The following PKNOX2 variants were observed in gnomAD, a reference collection of about 807,000 sequenced individuals.
PKNOX2 encodes PBX/knotted 1 homeobox 2.
A neutral mutation model predicts 53.1 loss-of-function variants in PKNOX2; 14 were observed. The ratio of observed to expected loss-of-function variants is 0.26; its 90% CI spans 0.17 to 0.41. The LOEUF is 0.41. Among genes scored for constraint, PKNOX2 ranks in the 10% least tolerant of loss-of-function variants. The probability of loss-of-function intolerance (pLI) is 1.00; values close to 1 mark genes in which losing one functional copy is unlikely to be tolerated. For synonymous variants in PKNOX2, 257 were observed against 242.8 expected (o/e 1.06, Z -0.54); for missense variants, 496 against 602.8 (o/e 0.82, Z 1.85).
At chr11:125,330,815 T>G (rs1360640347) in intron 2 of PKNOX2, among the ~76,000 whole-genome samples, 1 of 152,246 alleles carries the variant, frequency 6.6e-6, no homozygotes, top group Non-Finnish European at 1.5e-5. Flanking sequence ...TAGCTCCTCC[T>G]GTTGTCATGT....
intron 2 of PKNOX2, among the ~76,000 whole-genome samples, chr11:125,252,819 T>A (rs576667868): frequency 1.8e-4 from 28 of 152,178 alleles, no homozygotes; most frequent in Admixed American, 1.6e-3. Context: ...GGCATCAGGG[T>A]TACAGGTGGC....
At chr11:125,215,068 T>A (rs1407297236) in intron 1 of PKNOX2, among the ~76,000 whole-genome samples, 1 of 152,028 alleles carries the variant, frequency 6.6e-6, no homozygotes, top group Non-Finnish European at 1.5e-5. Context: ...CAAACTTTTG[T>A]TGGAAGCTTT....
chr11:125,333,295 C>T (rs1399411543), intron 3 of PKNOX2, among the ~76,000 whole-genome samples: 1 of 152,152 alleles, frequency 6.6e-6, no homozygotes, highest in African/African-American at 2.4e-5. Context: ...CTGAACTCTC[C>T]TGTAGAGTCC....
chr11:125,224,551 G>C (rs1941515052), intron 1 of PKNOX2, among the ~76,000 whole-genome samples: 2 of 152,210 alleles, frequency 1.3e-5, no homozygotes, highest in African/African-American at 2.4e-5. Flanking sequence ...GTGAAATCAG[G>C]CCTCCCTCAG....
At chr11:125,305,755 C>G (rs76593956) in intron 2 of PKNOX2, among the ~76,000 whole-genome samples, 3 of 152,076 alleles carry the variant, frequency 2.0e-5, no homozygotes, top group Non-Finnish European at 4.4e-5. Context: ...AGAGGCAAAC[C>G]GACTGAAGTG....
At chr11:125,297,862 A>C (rs536968424) in intron 2 of PKNOX2, among the ~76,000 whole-genome samples, 1 of 152,336 alleles carries the variant, frequency 6.6e-6, no homozygotes, top group East Asian at 1.9e-4. Flanking sequence ...TTTGAGCCCC[A>C]TATCACCCTT....
chr11:125,212,557 C>A (rs765059587), intron 1 of PKNOX2, among the ~76,000 whole-genome samples: 2 of 148,160 alleles, frequency 1.3e-5, no homozygotes, highest in Non-Finnish European at 3.0e-5. Flanking sequence ...CGGGTTCAAG[C>A]GATTCTAGGA....
At chr11:125,410,756 C>T in intron 8 of PKNOX2, 23 bp from the exon 9 acceptor site, 1 of 1,597,270 alleles carries the variant, frequency 6.3e-7, no homozygotes, top group Non-Finnish European at 8.6e-7. Context: ...GGCAGGGGAC[C>T]CCAAAACTGG....
rs926756680 is a variant in PKNOX2 at position 125,359,436 on chromosome 11, C to T, written c.87+8044C>T. Among the ~76,000 whole-genome samples, 41 of 152,236 alleles carry T rather than the reference C, an allele frequency of 2.7e-4. 1 individual carries two copies. Among genetic ancestry groups the T allele is most frequent in the African/African-American group, 8.7e-4 (36 of 41,544 alleles). On this transcript the variant is annotated intron_variant, in intron 4 of 12. Transcript: ENST00000298282. ...CTTTCTTCTCTTTGTGCACCTTGAC[C>T]GCTCTCTCTGCCTGCTTGAGCCACC...
At chr11:125,347,861 G>A (rs905197044) in intron 3 of PKNOX2, among the ~76,000 whole-genome samples, 9 of 152,154 alleles carry the variant, frequency 5.9e-5, no homozygotes, top group African/African-American at 9.7e-5. Flanking sequence ...GCCTGTTCGC[G>A]ATGGGAAATC....
At chr11:125,351,854 C>T (rs1002964659) in intron 4 of PKNOX2, among the ~76,000 whole-genome samples, 1 of 152,168 alleles carries the variant, frequency 6.6e-6, no homozygotes, top group Non-Finnish European at 1.5e-5. Context: ...CCTCTGCCTG[C>T]CTGTCGGGAG....
intron 2 of PKNOX2, among the ~76,000 whole-genome samples, chr11:125,277,367 T>A (rs1442963704): frequency 6.6e-6 from 1 of 152,194 alleles, no homozygotes. Flanking sequence ...GAAATAATAA[T>A]GGAGAAAGGG....
chr11:125,242,571 A>T (rs1943244852), intron 2 of PKNOX2, among the ~76,000 whole-genome samples: 1 of 151,592 alleles, frequency 6.6e-6, no homozygotes, highest in Non-Finnish European at 1.5e-5. Context: ...TGGTGGGGGG[A>T]CATCAGGGGT....
intron 2 of PKNOX2, 59 bp from the exon 3 acceptor site, chr11:125,331,760 C>T (rs1227832253): frequency 1.3e-5 from 2 of 152,540 alleles, no homozygotes; most frequent in African/African-American, 4.8e-5. Context: ...CCCCTCCTCT[C>T]TGACCACCCC....
At chr11:125,249,020 TATATA>T (rs1943798204) in intron 2 of PKNOX2, among the ~76,000 whole-genome samples, 3 of 110,088 alleles carry the variant, frequency 2.7e-5, no homozygotes, top group Non-Finnish European at 6.0e-5. Context: ...ATATATAACT[TATATA>T]ATATAGTATA....
At chr11:125,309,130 C>CCTTTCTTTCTTTCTTTCTTTCTTTCTTT (rs143615043) in intron 2 of PKNOX2, among the ~76,000 whole-genome samples, 1 of 148,434 alleles carries the variant, frequency 6.7e-6, no homozygotes, top group African/African-American at 2.6e-5. Context: ...ATTACCTCTT[C>CCTTTCTTTCTTTCTTTCTTTCTTTCTTT]CTTTCTTTCT....
At position 125,370,981 on chromosome 11, in the gene PKNOX2, C is replaced by T. The variant is rs76719455; in HGVS notation, c.227+2996C>T. Among the ~76,000 whole-genome samples the T allele has an allele frequency of 6.6e-6, 1 of 152,128 alleles. No homozygotes were observed. Among genetic ancestry groups the T allele is most frequent in the African/African-American group, 2.4e-5 (1 of 41,418 alleles). Reference sequence around the variant, plus strand: ...GCCCCTCCCTGCCTAGGACACTGCTCGGTGGCAGAGGGGCAGTGTGACAAA... The same window carrying T: ...GCCCCTCCCTGCCTAGGACACTGCTTGGTGGCAGAGGGGCAGTGTGACAAA... On this transcript the variant is annotated intron_variant, in intron 5 of 12. Transcript: ENST00000298282. This position sits in a 1 kb window ranked among gnomAD's most constrained non-coding sequence, Gnocchi z 4.1.
intron 3 of PKNOX2, among the ~76,000 whole-genome samples, chr11:125,342,771 G>C (rs944016033): frequency 6.6e-6 from 1 of 152,080 alleles, no homozygotes; most frequent in South Asian, 2.1e-4. Context: ...TAGTGTCTCT[G>C]GGGGAGGGGC....
intron 10 of PKNOX2, among the ~76,000 whole-genome samples, chr11:125,416,762 C>G (rs1261784353): frequency 6.6e-6 from 1 of 152,036 alleles, no homozygotes; most frequent in African/African-American, 2.4e-5. Context: ...ACAAACTTTG[C>G]TAAATAGGGA....
Sources: allele counts gnomAD v4.1 joint callset (sites outside exome capture counted in the v4.1 genomes callset), GRCh38; gene constraint gnomAD v4.1.1; non-coding constraint Gnocchi (gnomAD v3.1); transcripts MANE v1.5; gene names NCBI Gene and HGNC (gene_info 2026-07-23, HGNC 2026-07-21).